MAGI2: variants seen among roughly 807,000 people sequenced by gnomAD.
MAGI2 encodes membrane-associated guanylate kinase, WW and PDZ domain-containing protein 2.
MAGI2 carries 35 observed loss-of-function variants against 133.3 expected under a neutral mutation model. The ratio of observed to expected loss-of-function variants is 0.26; its 90% confidence interval spans 0.20 to 0.35. The LOEUF is 0.35. Among genes scored for constraint, MAGI2 ranks in the 10% least tolerant of loss-of-function variants. The probability of loss-of-function intolerance (pLI) is 1.00; values close to 1 mark genes in which losing one functional copy is unlikely to be tolerated. For missense variants in MAGI2, 1,636 were observed against 1,863.4 expected (o/e 0.88, Z 2.25); for synonymous variants, 729 against 710.6 (o/e 1.03, Z -0.41).
chr7:78,382,957 T>C (rs1028344786), intron 6 of MAGI2, among the ~76,000 whole-genome samples: 14 of 152,284 alleles, frequency 9.2e-5, no homozygotes, highest in Middle Eastern at 6.8e-3. Flanking sequence ...TTATTTATGA[T>C]TGAATATTAT....
chr7:78,715,193 A>T (rs1819586725), intron 2 of MAGI2, among the ~76,000 whole-genome samples: 1 of 152,148 alleles, frequency 6.6e-6, no homozygotes, highest in Admixed American at 6.6e-5. Flanking sequence ...GGAGGGAAGG[A>T]TCTATTTTTC....
At chr7:78,732,656 T>A (rs558595237) in intron 2 of MAGI2, among the ~76,000 whole-genome samples, 1 of 152,276 alleles carries the variant, frequency 6.6e-6, no homozygotes, top group South Asian at 2.1e-4. Flanking sequence ...ATTTTCAAGA[T>A]GTTTAAAAGG....
At chr7:79,296,273 T>A (rs1283771085) in intron 1 of MAGI2, among the ~76,000 whole-genome samples, 1 of 152,176 alleles carries the variant, frequency 6.6e-6, no homozygotes, top group East Asian at 1.9e-4. Context: ...AGAAATCATA[T>A]CCCCTTTTCA....
At chr7:78,265,155 G>A (rs1328992656) in intron 9 of MAGI2, among the ~76,000 whole-genome samples, 4 of 151,836 alleles carry the variant, frequency 2.6e-5, no homozygotes, top group African/African-American at 7.3e-5. Flanking sequence ...TTAGTCCAAC[G>A]ATGTATTTAC....
intron 1 of MAGI2, among the ~76,000 whole-genome samples, chr7:79,417,383 C>T (rs1370157852): frequency 3.3e-5 from 5 of 152,084 alleles, no homozygotes; most frequent in African/African-American, 1.2e-4. Flanking sequence ...GGTTAAGGCT[C>T]TGTTTACCAA....
chr7:79,260,058 G>A (rs1443215829), intron 1 of MAGI2, among the ~76,000 whole-genome samples: 1 of 152,150 alleles, frequency 6.6e-6, no homozygotes, highest in Non-Finnish European at 1.5e-5. Context: ...TCAATTATTT[G>A]CAAGTGCAGT....
rs1287103488 is a variant in MAGI2 at position 79,154,579 on chromosome 7, T to C, written c.302-147373A>G. Among the ~76,000 whole-genome samples the C allele has an allele frequency of 6.6e-5, 10 of 152,288 alleles. No homozygotes were observed. The East Asian group carries it at 1.9e-3, about 29-fold the overall frequency. On this transcript the variant is annotated intron_variant, in intron 1 of 21. Transcript: ENST00000354212. ...TCAATGGCTGCCTTTAATTTCATTT[T>C]CTTGTGCTTTTAGAGGAGGAGAGAT...
At chr7:78,823,909 T>TCACACACACA (rs151269215) in intron 2 of MAGI2, among the ~76,000 whole-genome samples, 3,684 of 148,112 alleles carry the variant, frequency 0.025, 109 homozygotes, top group African/African-American at 0.072. Context: ...GGATTTCACA[T>TCACACACACA]CACACACACA....
intron 1 of MAGI2, among the ~76,000 whole-genome samples, chr7:79,141,139 T>C (rs1477907856): frequency 6.6e-6 from 1 of 152,174 alleles, no homozygotes; most frequent in Non-Finnish European, 1.5e-5. Context: ...TATTTTCTCC[T>C]CATGACCCCA....
Position 78,262,136 on chromosome 7 carries a change from T to G in MAGI2, c.1409-5555A>C, listed in dbSNP as rs140514124. On this transcript the variant is annotated intron_variant, in intron 9 of 21. Transcript: ENST00000354212. ...AGAATTCAATTTTGGAGGTTCTGGA[T>G]CTTACCATGGTTCTACTGACTTTAC... Among the ~76,000 whole-genome samples the G allele has an allele frequency of 5.4e-3, 827 of 152,270 alleles. 5 individuals are homozygous for G. The highest frequency in any genetic ancestry group is 0.019 in the African/African-American group (777 of 41,570).
At chr7:78,989,754 C>T (rs1346198501) in intron 2 of MAGI2, among the ~76,000 whole-genome samples, 3 of 151,986 alleles carry the variant, frequency 2.0e-5, no homozygotes, top group African/African-American at 7.2e-5. Flanking sequence ...TGAGTCTCAA[C>T]ATGAGGCCTT....
At chr7:78,794,615 A>T (rs1787442914) in intron 2 of MAGI2, among the ~76,000 whole-genome samples, 1 of 152,016 alleles carries the variant, frequency 6.6e-6, no homozygotes, top group Admixed American at 6.6e-5. Context: ...AAAAAAAAAA[A>T]ACAATCCAAA....
intron 1 of MAGI2, among the ~76,000 whole-genome samples, chr7:79,237,368 C>T (rs973983160): frequency 6.6e-6 from 1 of 152,154 alleles, no homozygotes; most frequent in African/African-American, 2.4e-5. Context: ...TGGCAGGTGC[C>T]TGTAGTCCTA....
In MAGI2 at chr7:78,974,321, T is replaced by C. The variant is rs180894594; in HGVS notation, c.418+32769A>G. 4.1e-3 allele frequency among the ~76,000 whole-genome samples: 622 copies of C among 151,988 alleles called. 3 individuals are homozygous for C. The highest frequency in any genetic ancestry group is 0.014 in the African/African-American group (585 of 41,544). Reference sequence around the variant, plus strand: ...AAAGGCCAGTTAGAATAATTTTTTCTCTAGTGTGGCTAATTTTTAGCTCTA... The same window carrying C: ...AAAGGCCAGTTAGAATAATTTTTTCCCTAGTGTGGCTAATTTTTAGCTCTA... On this transcript the variant is annotated intron_variant, in intron 2 of 21. Transcript: ENST00000354212.
intron 1 of MAGI2, among the ~76,000 whole-genome samples, chr7:79,039,963 A>G (rs941713053): frequency 1.6e-4 from 24 of 151,324 alleles, no homozygotes; most frequent in Non-Finnish European, 2.1e-4. Flanking sequence ...CCTGGAGGAC[A>G]TTATGTTAAG....
rs1841928637 is a variant in MAGI2, at chr7:79,354,965, A to G, written c.301+98055T>C. Reference sequence around the variant, plus strand: ...TTCTCCTACCTCTGTTGGGATCACTATCTTTCATGGTGCTTCCCTTTCTCT... The same window carrying G: ...TTCTCCTACCTCTGTTGGGATCACTGTCTTTCATGGTGCTTCCCTTTCTCT... On this transcript the variant is annotated intron_variant, in intron 1 of 21. Transcript: ENST00000354212. Among the ~76,000 whole-genome samples the G allele has an allele frequency of 2.6e-5, 4 of 152,280 alleles. No individual in the cohort carries two copies. In the South Asian group the frequency reaches 8.3e-4, roughly 32 times the overall value.
chr7:78,216,805 C>T (rs939383762), intron 10 of MAGI2, among the ~76,000 whole-genome samples: 4 of 152,186 alleles, frequency 2.6e-5, no homozygotes, highest in African/African-American at 9.7e-5. Flanking sequence ...AAAGGTATTT[C>T]CCCTCTTTGG....
At chr7:79,265,772 C>T (rs991279974) in intron 1 of MAGI2, among the ~76,000 whole-genome samples, 19 of 151,942 alleles carry the variant, frequency 1.3e-4, no homozygotes, top group African/African-American at 2.4e-4. Flanking sequence ...GGAAGGCAGG[C>T]GCTAAGAAGG....
At chr7:79,048,784 G>A (rs1029239689) in intron 1 of MAGI2, among the ~76,000 whole-genome samples, 1 of 152,010 alleles carries the variant, frequency 6.6e-6, no homozygotes, top group African/African-American at 2.4e-5. Flanking sequence ...GACCAGCCTG[G>A]CCAACAGTGT....
Sources: allele counts gnomAD v4.1 joint callset (sites outside exome capture counted in the v4.1 genomes callset), GRCh38; gene constraint gnomAD v4.1.1; transcripts MANE v1.5; gene names NCBI Gene and HGNC (gene_info 2026-07-23, HGNC 2026-07-21).